PCDH9: variants seen among roughly 807,000 people sequenced by gnomAD.
PCDH9 encodes protocadherin-9.
In PCDH9, 24 loss-of-function variants were observed where a neutral mutation model predicts 70.6. That is an observed-to-expected ratio of 0.34 (90% CI 0.25 to 0.48). PCDH9 has a LOEUF of 0.48. Ranked by LOEUF, PCDH9 falls within the 20% of genes least tolerant of loss-of-function variation. PCDH9 has a pLI of 0.99. For synonymous variants in PCDH9, 562 were observed against 558.5 expected, an observed-to-expected ratio of 1.01 and a Z score of -0.09; for missense variants, 1,281 against 1,503.6, an observed-to-expected ratio of 0.85 and a Z score of 2.45.
intron 4 of PCDH9, among the ~76,000 whole-genome samples, chr13:66,495,362 A>G (rs2138543939): frequency 6.6e-6 from 1 of 152,336 alleles, no homozygotes; most frequent in Middle Eastern, 3.4e-3. Flanking sequence ...AAAGAGAATT[A>G]CATTTTCTGA....
chr13:67,224,639 A>T (rs572976109), intron 2 of PCDH9: 5 of 191,450 alleles, frequency 2.6e-5, no homozygotes, highest in African/African-American at 9.4e-5. Flanking sequence ...ATGAGTTATG[A>T]CAGATCACTT....
intron 4 of PCDH9, among the ~76,000 whole-genome samples, chr13:66,405,823 G>GGA: frequency 6.6e-6 from 1 of 152,270 alleles, no homozygotes; most frequent in South Asian, 2.1e-4. Context: ...TCTCCAGGAT[G>GGA]GAGCTGGTTT....
chr13:66,664,997 C>T (rs899478616), intron 3 of PCDH9, among the ~76,000 whole-genome samples: 3 of 152,090 alleles, frequency 2.0e-5, no homozygotes, highest in African/African-American at 7.2e-5. Context: ...TTTGAAGCCC[C>T]CAATGGAAAA....
chr13:66,515,358 G>T (rs1458205663), intron 4 of PCDH9, among the ~76,000 whole-genome samples: 1 of 151,968 alleles, frequency 6.6e-6, no homozygotes, highest in Non-Finnish European at 1.5e-5. Flanking sequence ...ATGTGAATCA[G>T]TTAAACTTAT....
intron 2 of PCDH9, among the ~76,000 whole-genome samples, chr13:67,007,812 G>T (rs1431455287): frequency 6.6e-6 from 1 of 152,084 alleles, no homozygotes; most frequent in South Asian, 2.1e-4. Flanking sequence ...TTTTCTCCAG[G>T]TGTCTTTCCT....
chr13:66,985,604 T>A (rs2139784707), intron 2 of PCDH9: 1 of 152,228 alleles, frequency 6.6e-6, no homozygotes, highest in South Asian at 2.1e-4. Flanking sequence ...CTGCCAGGCA[T>A]CAGGATAGCT....
chr13:66,671,433 T>G (rs1361627572), intron 3 of PCDH9, among the ~76,000 whole-genome samples: 2 of 152,158 alleles, frequency 1.3e-5, no homozygotes, highest in African/African-American at 4.8e-5. Context: ...AGTTTGGAAC[T>G]TCCTAGTGAC....
intron 2 of PCDH9, among the ~76,000 whole-genome samples, chr13:67,030,382 C>CA (rs1266148727): frequency 6.6e-6 from 1 of 151,934 alleles, no homozygotes; most frequent in Non-Finnish European, 1.5e-5. Context: ...TGCTCTTCAT[C>CA]AAAAAAAGTT....
At chr13:67,128,683 T>TAGAGC (rs1170439152) in intron 2 of PCDH9, among the ~76,000 whole-genome samples, 1 of 152,178 alleles carries the variant, frequency 6.6e-6, no homozygotes, top group Non-Finnish European at 1.5e-5. Flanking sequence ...AGGTAGGAAG[T>TAGAGC]AGAGCCTCTG....
chr13:67,022,070 C>G (rs1007278038), intron 2 of PCDH9, among the ~76,000 whole-genome samples: 1 of 138,568 alleles, frequency 7.2e-6, no homozygotes, highest in African/African-American at 2.7e-5. Context: ...TAAGAATGTT[C>G]CAGCTCCTAA....
Position 67,227,024 on chromosome 13 carries a change from C to T in PCDH9, c.1417G>A (p.Val473Ile). The T allele has an allele frequency of 9.3e-6, 15 of 1,614,190 alleles. No homozygotes were observed. The highest frequency in any genetic ancestry group is 1.2e-5 in the Non-Finnish European group (14 of 1,180,028). Residue 473 changes from valine (V) to isoleucine (I), a missense_variant, in exon 2 of 5, where the codon GTA (valine) becomes ATA (isoleucine). Around this residue, in one of 4 missense-constraint regions of PCDH9, gnomAD observed 798 missense variants for 1,003.1 expected, o/e 0.80. Coordinates refer to ENST00000377865, the MANE Select transcript of PCDH9 (RefSeq NM_203487.3). The surrounding 1 kb of genome is among the most constrained non-coding windows in gnomAD (Gnocchi z 4.6). Reference protein sequence around the residue: ...NDNPPIFNQPVIELSVSENNR... With the variant: ...NDNPPIFNQPIIELSVSENNR... ...TTTTCAGAAACTGACAGCTCAATTA[C>T]AGGCTGGTTGAAAATTGGTGGGTTG... is the stretch of plus-strand genomic sequence containing the variant.
chr13:67,136,723 A>C (rs1290217217), intron 2 of PCDH9, among the ~76,000 whole-genome samples: 1 of 151,290 alleles, frequency 6.6e-6, no homozygotes, highest in Non-Finnish European at 1.5e-5. Context: ...TACAAATGTA[A>C]ATAATTTTAT....
chr13:66,615,353 T>C (rs1047470449), intron 4 of PCDH9, among the ~76,000 whole-genome samples: 1 of 152,204 alleles, frequency 6.6e-6, no homozygotes, highest in Non-Finnish European at 1.5e-5. Context: ...TGCTCCAAAA[T>C]TGTATGAGAT....
chr13:66,664,442 CT>C (rs5804287), intron 3 of PCDH9, among the ~76,000 whole-genome samples: 93 of 146,340 alleles, frequency 6.4e-4, no homozygotes, highest in Admixed American at 6.1e-4. Flanking sequence ...CAGCAATGGG[CT>C]TTTTTTTTTT....
intron 2 of PCDH9, chr13:67,222,050 T>C (rs1049134694): frequency 2.0e-5 from 3 of 152,132 alleles, no homozygotes; most frequent in Non-Finnish European, 4.4e-5. Context: ...CAATCCATGT[T>C]TTAAGTAGTG....
At chr13:66,596,349 T>C (rs1157056946) in intron 4 of PCDH9, among the ~76,000 whole-genome samples, 1 of 151,668 alleles carries the variant, frequency 6.6e-6, no homozygotes, top group Non-Finnish European at 1.5e-5. Context: ...TGTCCATTTG[T>C]TTTAGAAGAA....
At chr13:66,844,861 T>C (rs2081179352) in intron 3 of PCDH9, among the ~76,000 whole-genome samples, 3 of 151,866 alleles carry the variant, frequency 2.0e-5, no homozygotes, top group Admixed American at 2.0e-4. Flanking sequence ...GCAAAGAAAA[T>C]AAAATGTTAA....
chr13:66,550,283 A>T (rs1371424272), intron 4 of PCDH9, among the ~76,000 whole-genome samples: 1 of 152,076 alleles, frequency 6.6e-6, no homozygotes, highest in Non-Finnish European at 1.5e-5. Flanking sequence ...ATTATGAAAT[A>T]GAAATTAAAA....
intron 2 of PCDH9, among the ~76,000 whole-genome samples, chr13:66,957,820 T>A (rs569228075): frequency 1.3e-5 from 2 of 152,228 alleles, no homozygotes; most frequent in African/African-American, 4.8e-5. Flanking sequence ...TCCAGAAATA[T>A]GAGAAATAAA....
Sources: allele counts gnomAD v4.1 joint callset (sites outside exome capture counted in the v4.1 genomes callset), GRCh38; gene constraint gnomAD v4.1.1; regional missense constraint gnomAD v4.1.1; non-coding constraint Gnocchi (gnomAD v3.1); transcripts MANE v1.5; gene names NCBI Gene and HGNC (gene_info 2026-07-23, HGNC 2026-07-21).